Variants in PKIB observed in about 807,000 individuals in gnomAD.
PKIB encodes the protein PKI-beta.
Under a neutral mutation model 4.5 loss-of-function variants are expected in PKIB, and 2 were observed. The observed-to-expected ratio is 0.44, with a 90% confidence interval of 0.18 to 1.39. The LOEUF is 1.39. PKIB is among the 40% of genes most tolerant of loss of function. PKIB has a pLI of 0.27. For missense variants in PKIB, 94 were observed against 92.6 expected, an observed-to-expected ratio of 1.02 and a Z score of -0.06; for synonymous variants, 38 against 36.0, an observed-to-expected ratio of 1.06 and a Z score of -0.20.
intron 2 of PKIB, among the ~76,000 whole-genome samples, chr6:122,661,127 C>T (rs1017211570): frequency 2.0e-5 from 3 of 152,118 alleles, no homozygotes; most frequent in Non-Finnish European, 4.4e-5. Context: ...ATTGGCATAT[C>T]GCACACCGTA....
At chr6:122,608,133 A>G (rs1416649885), upstream of PKIB, among the ~76,000 whole-genome samples, 1 of 152,184 alleles carries the variant, frequency 6.6e-6, no homozygotes, top group Non-Finnish European at 1.5e-5. Flanking sequence ...AAAGAAAACG[A>G]TCCCATTTCC....
intron 1 of PKIB, among the ~76,000 whole-genome samples, chr6:122,621,003 G>C (rs1368257782): frequency 6.6e-6 from 1 of 151,982 alleles, no homozygotes; most frequent in Non-Finnish European, 1.5e-5. Flanking sequence ...TGAGTTTCTT[G>C]TTATTATGAT....
intron 2 of PKIB, among the ~76,000 whole-genome samples, chr6:122,547,283 G>A (rs1201082907): frequency 7.0e-6 from 1 of 142,504 alleles, no homozygotes; most frequent in Non-Finnish European, 1.5e-5. Flanking sequence ...TTGGGGTGGT[G>A]GGGGTGGAGG....
intron 3 of PKIB, among the ~76,000 whole-genome samples, chr6:122,712,551 C>T (rs1779315371): frequency 6.6e-6 from 1 of 152,150 alleles, no homozygotes; most frequent in Non-Finnish European, 1.5e-5. Context: ...TTGTCAGTCT[C>T]TCCTTCTCTC....
intron 3 of PKIB, among the ~76,000 whole-genome samples, chr6:122,711,663 C>A (rs1399618262): frequency 6.6e-6 from 1 of 152,088 alleles, no homozygotes; most frequent in Non-Finnish European, 1.5e-5. Flanking sequence ...TTATTGCAGT[C>A]CATCTTTTTT....
intron 2 of PKIB, chr6:122,480,264 G>T (rs1245215791): frequency 6.6e-6 from 1 of 152,008 alleles, no homozygotes; most frequent in African/African-American, 2.4e-5. Context: ...GGATGGTCTT[G>T]ATCTCCTGAC....
At chr6:122,484,687 G>T (rs1390654172) in intron 2 of PKIB, among the ~76,000 whole-genome samples, 1 of 152,128 alleles carries the variant, frequency 6.6e-6, no homozygotes, top group African/African-American at 2.4e-5. Context: ...TTAATCCAAT[G>T]TTTCTTAAAT....
intron 2 of PKIB, among the ~76,000 whole-genome samples, chr6:122,486,939 ATCTATCTATCTAACTAC>A (rs1332471777): frequency 2.7e-5 from 2 of 74,640 alleles, no homozygotes; most frequent in Non-Finnish European, 6.7e-5. Flanking sequence ...CTGTCTGTCT[ATCTATCTATCTAACTAC>A]TATTTTCTGA....
rs552964710 is a variant in PKIB at position 122,725,959 on chromosome 6, A to T, written c.*764A>T. 2 of 151,862 alleles carry T rather than the reference A, an allele frequency of 1.3e-5. No individual in the cohort carries two copies. Among genetic ancestry groups the T allele is most frequent in the Non-Finnish European group, 2.9e-5 (2 of 67,928 alleles). 9.4% of individuals were successfully genotyped at this position (151,862 alleles called of 1,614,324 possible). A position where few individuals can be genotyped will look rare whatever the true frequency, so the allele number is the denominator to read the frequency against. On this transcript the variant is annotated 3_prime_UTR_variant, in exon 5 of 5. Transcript: ENST00000368452. ...TTATACAAAATACTAGTTGTTTTAC[A>T]CTCTCTTTTCTTATTCTTAGGGCTT...
chr6:122,662,582 A>C lies in PKIB; in HGVS notation c.-75-12496A>C, dbSNP rs113351477. On this transcript the variant is annotated intron_variant, in intron 2 of 4. Transcript: ENST00000368452. ...CGATCCACTTGCTTTGGCCTCCCAA[A>C]GTGCTGGGATTACAGGCATCAGCCA... Among the ~76,000 whole-genome samples the C allele has an allele frequency of 3.8e-3, 584 of 151,934 alleles. 2 individuals carry two copies. The highest frequency in any genetic ancestry group is 0.013 in the African/African-American group (543 of 41,456).
chr6:122,706,096 T>C (rs555659119), intron 3 of PKIB, among the ~76,000 whole-genome samples: 4 of 152,172 alleles, frequency 2.6e-5, no homozygotes, highest in Non-Finnish European at 5.9e-5. Flanking sequence ...TCTTTTAGCT[T>C]ACAGATATTT....
At chr6:122,538,673 G>A (rs534096900) in intron 2 of PKIB, among the ~76,000 whole-genome samples, 1 of 151,940 alleles carries the variant, frequency 6.6e-6, no homozygotes, top group African/African-American at 2.4e-5. Context: ...CTCTTTTTTG[G>A]TTCCATATGA....
intron 3 of PKIB, among the ~76,000 whole-genome samples, chr6:122,690,921 TATATATATATA>T (rs145322280): frequency 4.5e-5 from 6 of 132,402 alleles, no homozygotes; most frequent in Non-Finnish European, 6.4e-5. Flanking sequence ...GAAGGATATA[TATATATATATA>T]TTTTTTTTTT....
intron 3 of PKIB, among the ~76,000 whole-genome samples, chr6:122,685,709 A>G (rs1778066035): frequency 6.6e-6 from 1 of 152,136 alleles, no homozygotes; most frequent in Non-Finnish European, 1.5e-5. Flanking sequence ...ATTATTGACT[A>G]TAGTCATCCT....
intron 2 of PKIB, among the ~76,000 whole-genome samples, chr6:122,499,663 C>T (rs1284563166): frequency 6.6e-6 from 1 of 152,102 alleles, no homozygotes; most frequent in African/African-American, 2.4e-5. Context: ...ACAAGGATGC[C>T]CACTCTCACC....
chr6:122,616,690 G>A (rs1433032396), intron 1 of PKIB, among the ~76,000 whole-genome samples: 2 of 151,574 alleles, frequency 1.3e-5, no homozygotes, highest in Non-Finnish European at 2.9e-5. Flanking sequence ...AGAAGCTTGA[G>A]ATGTTTTTAA....
At chr6:122,562,432 C>A (rs1412160696) in intron 2 of PKIB, among the ~76,000 whole-genome samples, 1 of 152,070 alleles carries the variant, frequency 6.6e-6, no homozygotes, top group East Asian at 1.9e-4. Context: ...GACAAAGTGC[C>A]TATGCAAAGA....
At chr6:122,714,329 T>A (rs1452983210) in intron 3 of PKIB, among the ~76,000 whole-genome samples, 1 of 152,230 alleles carries the variant, frequency 6.6e-6, no homozygotes, top group Non-Finnish European at 1.5e-5. Context: ...CACAGCCAAG[T>A]ACAGCCCCGA....
At position 122,725,393 on chromosome 6, in the gene PKIB, G is replaced by T. The variant is rs902300720; in HGVS notation, c.*198G>T. 8 of 539,540 alleles carry T rather than the reference G, an allele frequency of 1.5e-5. No individual in the cohort carries two copies. The highest frequency in any genetic ancestry group is 2.7e-5 in the Non-Finnish European group (8 of 297,208). The allele number at this position is 539,540 out of a possible 1,614,324, so 33.4% of individuals were successfully genotyped here. ...GTCCAAGGTAAGCTATTAAAAGGCA[G>T]GTTACTTCCAAATCGCACTGAAGGA... On this transcript the variant is annotated 3_prime_UTR_variant, in exon 5 of 5. Coordinates refer to ENST00000368452, the MANE Select transcript of PKIB (RefSeq NM_181795.3).
Sources: allele counts gnomAD v4.1 joint callset (sites outside exome capture counted in the v4.1 genomes callset), GRCh38; gene constraint gnomAD v4.1.1; transcripts MANE v1.5; gene names NCBI Gene and HGNC (gene_info 2026-07-23, HGNC 2026-07-21).